PSMB1: variants seen among roughly 807,000 people sequenced by gnomAD.
PSMB1 encodes proteasome subunit beta type-1.
In PSMB1, 7 loss-of-function variants were observed where a neutral mutation model predicts 25.4. That is an observed-to-expected ratio of 0.28 (90% confidence interval 0.16 to 0.52). PSMB1 has a LOEUF of 0.52. PSMB1 is among the 20% of genes least tolerant of loss of function. PSMB1 has a pLI of 0.97. For missense variants in PSMB1, 284 were observed against 302.2 expected, an observed-to-expected ratio of 0.94 and a Z score of 0.45; for synonymous variants, 119 against 115.0, an observed-to-expected ratio of 1.03 and a Z score of -0.22.
At chr6:170,546,241 C>T in intron 2 of PSMB1, 57 bp from the exon 3 acceptor site, 1 of 1,382,314 alleles carries the variant, frequency 7.2e-7, no homozygotes, top group Non-Finnish European at 1.0e-6. Context: ...CAAAACATAT[C>T]TTCGGCAATT....
At chr6:170,545,981 T>G (rs768261974) in intron 3 of PSMB1, 122 bp downstream of exon 3, 24 of 759,444 alleles carry the variant, frequency 3.2e-5, no homozygotes, top group Non-Finnish European at 5.0e-5. Flanking sequence ...CATACATTTG[T>G]AATTCATCTA....
intron 4 of PSMB1, among the ~76,000 whole-genome samples, chr6:170,538,804 C>T (rs538287129): frequency 6.6e-6 from 1 of 152,264 alleles, no homozygotes; most frequent in East Asian, 1.9e-4. Flanking sequence ...AAGCTTGGGA[C>T]AAGACATGAG....
At position 170,553,254 on chromosome 6, in the gene PSMB1, G is replaced by C. The variant is rs745583589; in HGVS notation, c.-12C>G. 6 of 1,583,524 alleles carry C rather than the reference G, an allele frequency of 3.8e-6. No individual in the cohort carries two copies. In the South Asian group the frequency reaches 4.5e-5, roughly 12 times the overall value. On this transcript the variant is annotated 5_prime_UTR_variant, in exon 1 of 6. Coordinates refer to ENST00000262193, the MANE Select transcript of PSMB1 (RefSeq NM_002793.4). ...GTAGAGGACAACATCGCACGGCTGCGCCTGCGGATCCGACACTTGCTGTCT... is the reference window on the plus strand; with the variant it reads ...GTAGAGGACAACATCGCACGGCTGCCCCTGCGGATCCGACACTTGCTGTCT...
intron 4 of PSMB1, among the ~76,000 whole-genome samples, chr6:170,538,038 A>C (rs1778715962): frequency 1.3e-5 from 2 of 152,244 alleles, no homozygotes. Context: ...GTTTAAAAGA[A>C]TAAGAAAACT....
chr6:170,544,472 G>T (rs1778793071), intron 3 of PSMB1, among the ~76,000 whole-genome samples: 1 of 152,184 alleles, frequency 6.6e-6, no homozygotes. Flanking sequence ...TTACCCACTG[G>T]TAGAGAAACT....
chr6:170,536,521 C>T (rs1778695697), intron 5 of PSMB1: 1 of 455,718 alleles, frequency 2.2e-6, no homozygotes, highest in Non-Finnish European at 4.4e-6. Context: ...TTGAGGTCTG[C>T]AGCTGTGGTT....
At chr6:170,536,266 A>G (rs9348278) in intron 5 of PSMB1, 196,547 of 409,108 alleles carry the variant, frequency 0.48, 48,699 homozygotes, top group East Asian at 0.78. Context: ...TGTATAAACT[A>G]TATGTAGATA....
At chr6:170,545,115 G>C (rs2038093) in intron 3 of PSMB1, among the ~76,000 whole-genome samples, 75,020 of 150,542 alleles carry the variant, frequency 0.5, 19,056 homozygotes, top group East Asian at 0.78. Flanking sequence ...TTGCACTCCA[G>C]CCTGGGCAAC....
Position 170,543,551 on chromosome 6 carries a change from G to T in PSMB1, c.433+50C>A. 2 of 1,507,740 alleles carry T rather than the reference G, an allele frequency of 1.3e-6. 1 individual carries two copies. Among genetic ancestry groups the T allele is most frequent in the South Asian group, 2.4e-5 (2 of 84,504 alleles). 93.4% of individuals were successfully genotyped at this position (1,507,740 alleles called of 1,614,324 possible). A position where few individuals can be genotyped will look rare whatever the true frequency, so the allele number is the denominator to read the frequency against. ...ACTCTAGATGGATACACACATCTAGGGAATAATAACTCCTCCCCCCCACCA... is the reference window on the plus strand; with the variant it reads ...ACTCTAGATGGATACACACATCTAGTGAATAATAACTCCTCCCCCCCACCA... On this transcript the variant is annotated intron_variant, in intron 4 of 5. Transcript: ENST00000262193.
At chr6:170,546,606 C>T (rs543049312) in intron 2 of PSMB1, among the ~76,000 whole-genome samples, 2 of 152,286 alleles carry the variant, frequency 1.3e-5, no homozygotes, top group South Asian at 4.1e-4. Context: ...TCTGGGATTA[C>T]AGGCACCCGC....
chr6:170,553,209 C>T lies in PSMB1; in HGVS notation c.34G>A (p.Gly12Ser). The T allele has an allele frequency of 1.2e-6, 2 of 1,613,824 alleles. No homozygotes were observed. Among genetic ancestry groups the T allele is most frequent in the East Asian group, 4.5e-5 (2 of 44,872 alleles). ...TGCGGTTCCATCCCCAAGTCTCTGC[C>T]AGGAGCCGAATACATGGCTGTAGAG... is the stretch of plus-strand genomic sequence containing the variant. ...LSSTAMYSAPGRDLGMEPHRA... is the reference protein window; with the variant it reads ...LSSTAMYSAPSRDLGMEPHRA... The change falls in exon 1 of 6, where the codon GGC (glycine) becomes AGC (serine). Residue 12 changes from glycine (G) to serine (S), a missense_variant. Transcript: ENST00000262193.
intron 5 of PSMB1, among the ~76,000 whole-genome samples, chr6:170,535,893 G>A (rs1366572882): frequency 6.6e-6 from 1 of 152,146 alleles, no homozygotes; most frequent in African/African-American, 2.4e-5. Context: ...TGGGTGTAGT[G>A]GGGTGACAGG....
chr6:170,542,351 A>G (rs1432742347), intron 4 of PSMB1, among the ~76,000 whole-genome samples: 1 of 152,094 alleles, frequency 6.6e-6, no homozygotes, highest in Admixed American at 6.5e-5. Flanking sequence ...CTTTCCTCTT[A>G]GAATTTTCCC....
At chr6:170,545,119 G>A (rs903995087) in intron 3 of PSMB1, among the ~76,000 whole-genome samples, 3 of 151,290 alleles carry the variant, frequency 2.0e-5, no homozygotes, top group African/African-American at 7.3e-5. Context: ...ACTCCAGCCT[G>A]GGCAACAAGA....
At chr6:170,549,146 G>T in intron 1 of PSMB1, 33 bp from the exon 2 acceptor site, 2 of 1,318,320 alleles carry the variant, frequency 1.5e-6, no homozygotes, top group Non-Finnish European at 2.2e-6. Context: ...AATTCTCCAG[G>T]GTGGTAATCC....
chr6:170,539,237 T>C (rs1778729962), intron 4 of PSMB1, among the ~76,000 whole-genome samples: 1 of 152,140 alleles, frequency 6.6e-6, no homozygotes, highest in African/African-American at 2.4e-5. Flanking sequence ...GAAATACAGC[T>C]AAGCTTTGGA....
intron 1 of PSMB1, among the ~76,000 whole-genome samples, chr6:170,550,617 G>T (rs1778880689): frequency 6.6e-6 from 1 of 152,148 alleles, no homozygotes; most frequent in Non-Finnish European, 1.5e-5. Context: ...TAGGAAGACT[G>T]CTCTGACAAT....
rs535472998 is a variant in PSMB1 at position 170,542,146 on chromosome 6, T to C, written c.433+1455A>G. ...TGGTTTTCAAGTAAGGTTGAAAGCC[T>C]TAAAAAGAAATTGTGTCAACCTAAT... On this transcript the variant is annotated intron_variant, in intron 4 of 5. Transcript: ENST00000262193. 8.3e-4 allele frequency among the ~76,000 whole-genome samples: 126 copies of C among 152,284 alleles called. 1 individual carries two copies. Among genetic ancestry groups the C allele is most frequent in the African/African-American group, 2.9e-3 (121 of 41,558 alleles).
chr6:170,545,516 T>A (rs1413437969), intron 3 of PSMB1, among the ~76,000 whole-genome samples: 1 of 152,144 alleles, frequency 6.6e-6, no homozygotes, highest in Non-Finnish European at 1.5e-5. Context: ...TAAGTGTAAA[T>A]AATCTCAAGT....
Sources: allele counts gnomAD v4.1 joint callset (sites outside exome capture counted in the v4.1 genomes callset), GRCh38; gene constraint gnomAD v4.1.1; transcripts MANE v1.5; gene names NCBI Gene and HGNC (gene_info 2026-07-23, HGNC 2026-07-21).